Variants in ASTN2 observed in about 807,000 individuals in gnomAD.
ASTN2 encodes the protein astrotactin-2.
A neutral mutation model predicts 139.8 loss-of-function variants in ASTN2; 54 were observed. The ratio of observed to expected loss-of-function variants is 0.39; its 90% CI spans 0.31 to 0.48. The LOEUF (loss-of-function observed/expected upper bound fraction) is 0.48, where lower values mean the gene tolerates loss of function less well. Among genes scored for constraint, ASTN2 ranks in the 20% least tolerant of loss-of-function variants. The pLI, the probability that ASTN2 is intolerant of heterozygous loss-of-function variation, is 0.95. For synonymous variants in ASTN2, 756 were observed against 719.5 expected (o/e 1.05, Z -0.81); for missense variants, 1,565 against 1,725.1 (o/e 0.91, Z 1.64).
intron 2 of ASTN2, among the ~76,000 whole-genome samples, chr9:117,258,901 C>T (rs576918312): frequency 3.0e-4 from 46 of 152,166 alleles, no homozygotes; most frequent in African/African-American, 9.6e-4. Context: ...GGATAGGGAT[C>T]GTCTATTTCA....
intron 11 of ASTN2, among the ~76,000 whole-genome samples, chr9:116,825,075 C>T (rs1250119048): frequency 6.6e-6 from 1 of 152,192 alleles, no homozygotes; most frequent in African/African-American, 2.4e-5. Context: ...CAGGCACTGT[C>T]ACTTGCTTGC....
chr9:116,849,034 T>G (rs540454713), intron 11 of ASTN2, among the ~76,000 whole-genome samples: 1 of 152,292 alleles, frequency 6.6e-6, no homozygotes, highest in South Asian at 2.1e-4. Context: ...CTCAGGGAAA[T>G]ACTTATGTTC....
intron 13 of ASTN2, among the ~76,000 whole-genome samples, chr9:116,762,881 A>T (rs1367747806): frequency 4.6e-5 from 7 of 152,212 alleles, no homozygotes; most frequent in African/African-American, 1.7e-4. Context: ...TACTTCAGAC[A>T]TATTGACTTA....
intron 12 of ASTN2, among the ~76,000 whole-genome samples, chr9:116,810,928 T>TA (rs1490312123): frequency 1.3e-5 from 2 of 152,156 alleles, no homozygotes; most frequent in African/African-American, 4.8e-5. Context: ...TCGTAATTTA[T>TA]ATTTTCTAAC....
In ASTN2 at chr9:116,805,744, A is replaced by G. The variant is rs754545175; in HGVS notation, c.2284T>C (p.Cys762Arg). 1 of 1,613,998 alleles carries G rather than the reference A, an allele frequency of 6.2e-7. No individual in the cohort carries two copies. Among genetic ancestry groups the G allele is most frequent in the Non-Finnish European group, 8.5e-7 (1 of 1,179,870 alleles). The change falls in exon 13 of 23, where the codon TGC becomes CGC. Residue 762 changes from cysteine (C) to arginine (R), a missense_variant. This residue lies in a region of ASTN2 where 503 missense variants were observed against 591.7 expected (regional missense o/e 0.85). Coordinates refer to ENST00000313400, the MANE Select transcript of ASTN2 (RefSeq NM_001365068.1). ...MLSDVCEGPKCLKPDSKFNDT... is the reference protein window; with the variant it reads ...MLSDVCEGPKRLKPDSKFNDT... ...TTGAATTTGGAGTCAGGTTTGAGGC[A>G]CTTGGGGCCCTCGCAGACATCTGAG...
chr9:116,752,976 A>C (rs1829437492), intron 13 of ASTN2, among the ~76,000 whole-genome samples: 2 of 152,262 alleles, frequency 1.3e-5, no homozygotes. Context: ...AAAGCTAAAC[A>C]GTCTTACCAC....
intron 20 of ASTN2, among the ~76,000 whole-genome samples, chr9:116,470,484 T>A (rs1237572619): frequency 2.0e-5 from 3 of 152,210 alleles, no homozygotes; most frequent in South Asian, 4.1e-4. Context: ...TTTTTTTGAC[T>A]TCTTTGGGCT....
chr9:117,131,622 C>T (rs1829829423), intron 4 of ASTN2, among the ~76,000 whole-genome samples: 1 of 152,118 alleles, frequency 6.6e-6, no homozygotes, highest in Non-Finnish European at 1.5e-5. Flanking sequence ...AAGGTTACTG[C>T]CTGGAGGCTT....
chr9:116,820,943 C>T (rs547619081), intron 11 of ASTN2, among the ~76,000 whole-genome samples, 160 bp from the exon 12 acceptor site: 104 of 152,260 alleles, frequency 6.8e-4, no homozygotes, highest in Middle Eastern at 3.4e-3. Context: ...TCCACAAGTC[C>T]CTTTACTTCT....
chr9:117,281,758 C>G (rs1436920598), intron 2 of ASTN2, among the ~76,000 whole-genome samples: 1 of 152,128 alleles, frequency 6.6e-6, no homozygotes, highest in African/African-American at 2.4e-5. Context: ...TCTCCCCTCT[C>G]CTTCCCTTCT....
At chr9:116,442,043 C>T (rs994588924) in intron 21 of ASTN2, among the ~76,000 whole-genome samples, 1 of 152,148 alleles carries the variant, frequency 6.6e-6, no homozygotes, top group African/African-American at 2.4e-5. Flanking sequence ...GCTATGGACA[C>T]CACAAGGTGA....
At chr9:117,249,006 C>A (rs556553650) in intron 2 of ASTN2, among the ~76,000 whole-genome samples, 50 of 152,306 alleles carry the variant, frequency 3.3e-4, no homozygotes, top group African/African-American at 1.2e-3. Flanking sequence ...TCTTTGTGCT[C>A]GCTTCTACCT....
intron 2 of ASTN2, among the ~76,000 whole-genome samples, chr9:117,257,822 GAGAAA>G (rs1477813104): frequency 6.6e-6 from 1 of 152,210 alleles, no homozygotes; most frequent in Non-Finnish European, 1.5e-5. Context: ...AAGGAAATCG[GAGAAA>G]AGAAGAGATT....
chr9:116,710,106 G>A (rs1053617761), intron 16 of ASTN2, among the ~76,000 whole-genome samples: 1 of 152,078 alleles, frequency 6.6e-6, no homozygotes, highest in African/African-American at 2.4e-5. Context: ...CCTACCTTTG[G>A]TGCCAGAGGG....
chr9:116,838,445 T>G (rs77686012), intron 11 of ASTN2, among the ~76,000 whole-genome samples: 4,165 of 151,558 alleles, frequency 0.027, 190 homozygotes, highest in African/African-American at 0.096. Context: ...CTTTTTGAGA[T>G]AGAGTTTCAC....
intron 19 of ASTN2, among the ~76,000 whole-genome samples, chr9:116,525,342 C>T (rs1369671495): frequency 6.6e-6 from 1 of 152,200 alleles, no homozygotes; most frequent in East Asian, 1.9e-4. Flanking sequence ...TGCTGTAGAT[C>T]ATGCTCCTTC....
chr9:117,119,939 C>G (rs1385134064), intron 4 of ASTN2, among the ~76,000 whole-genome samples: 1 of 143,800 alleles, frequency 7.0e-6, no homozygotes, highest in Non-Finnish European at 1.5e-5. Flanking sequence ...CCTCACACAG[C>G]TATTATTTCA....
At chr9:116,713,398 C>T (rs116435079) in intron 16 of ASTN2, among the ~76,000 whole-genome samples, 6,695 of 152,092 alleles carry the variant, frequency 0.044, 514 homozygotes, top group African/African-American at 0.15. Context: ...CAGCTCCTAC[C>T]CAATGTATCA....
At chr9:116,533,188 T>C (rs571039938) in intron 19 of ASTN2, among the ~76,000 whole-genome samples, 1 of 152,206 alleles carries the variant, frequency 6.6e-6, no homozygotes, top group Non-Finnish European at 1.5e-5. Context: ...TAAGAATGCT[T>C]GTGATTTTTG....
Sources: gnomAD v4.1 joint callset for allele counts (sites outside exome capture counted in the v4.1 genomes callset) on GRCh38, gnomAD v4.1.1 for gene constraint, gnomAD v4.1.1 regional missense constraint, MANE v1.5 for transcripts, NCBI Gene and HGNC (gene_info 2026-07-23, HGNC 2026-07-21) for gene names.